The following CYRIB variants were observed in gnomAD, a reference collection of about 807,000 sequenced individuals.
CYRIB encodes the protein CYFIP-related Rac1 interactor B.
In CYRIB, 8 loss-of-function variants were observed where a neutral mutation model predicts 44.2. The observed-to-expected ratio is 0.18, with a 90% confidence interval of 0.11 to 0.33. The LOEUF is 0.33. CYRIB is among the 10% of genes least tolerant of loss of function. The pLI is 1.00. For synonymous variants in CYRIB, 131 were observed against 127.2 expected (o/e 1.03, Z -0.20); for missense variants, 185 against 382.8 (o/e 0.48, Z 4.31).
intron 1 of CYRIB, among the ~76,000 whole-genome samples, chr8:130,003,208 A>C (rs1049575477): frequency 6.6e-6 from 1 of 152,186 alleles, no homozygotes; most frequent in African/African-American, 2.4e-5. Flanking sequence ...ACAGAGTGAG[A>C]CCCTGTCTTA....
intron 2 of CYRIB, among the ~76,000 whole-genome samples, chr8:129,955,449 C>T (rs990188591): frequency 3.9e-5 from 6 of 152,066 alleles, no homozygotes; most frequent in African/African-American, 1.2e-4. Flanking sequence ...CCACAACACT[C>T]CCACGTTTCC....
chr8:129,987,422 T>C (rs896872879), intron 1 of CYRIB, among the ~76,000 whole-genome samples: 4 of 152,116 alleles, frequency 2.6e-5, no homozygotes, highest in Non-Finnish European at 4.4e-5. Flanking sequence ...CTGTGGCTTG[T>C]TGATGGCACC....
chr8:129,925,724 A>C (rs775033382), intron 1 of CYRIB, among the ~76,000 whole-genome samples: 2 of 152,210 alleles, frequency 1.3e-5, no homozygotes, highest in Non-Finnish European at 2.9e-5. Context: ...TCACCCCTGA[A>C]AATTTCCAGG....
chr8:129,843,773 A>C (rs536521040), intron 11 of CYRIB: 1 of 152,364 alleles, frequency 6.6e-6, no homozygotes, highest in South Asian at 2.1e-4. Flanking sequence ...AATTCCTATT[A>C]GGTTCATTTC....
intron 1 of CYRIB, among the ~76,000 whole-genome samples, chr8:129,997,090 G>A: frequency 6.9e-6 from 1 of 144,018 alleles, no homozygotes; most frequent in Non-Finnish European, 1.5e-5. Flanking sequence ...GGGAGGGAAG[G>A]AGGGAGGGAA....
intron 1 of CYRIB, among the ~76,000 whole-genome samples, chr8:129,982,621 T>C (rs895370069): frequency 6.6e-6 from 1 of 152,170 alleles, no homozygotes; most frequent in Non-Finnish European, 1.5e-5. Context: ...CAAACTTACT[T>C]TGCAACAATG....
intron 3 of CYRIB, among the ~76,000 whole-genome samples, chr8:129,876,209 T>C (rs1485465131): frequency 1.3e-5 from 2 of 152,084 alleles, no homozygotes; most frequent in African/African-American, 2.4e-5. Context: ...AAATAAATAA[T>C]TTAAGTAAAA....
chr8:129,858,913 G>A (rs1311342832), intron 5 of CYRIB, among the ~76,000 whole-genome samples: 1 of 152,224 alleles, frequency 6.6e-6, no homozygotes, highest in Non-Finnish European at 1.5e-5. Context: ...CAAGTTTACT[G>A]TAGGGTCCAG....
At chr8:129,966,453 AAAG>A (rs1408055363) in intron 2 of CYRIB, among the ~76,000 whole-genome samples, 3 of 152,214 alleles carry the variant, frequency 2.0e-5, no homozygotes, top group Admixed American at 1.3e-4. Context: ...TTTAAATACA[AAAG>A]AAGAAAGGCA....
chr8:129,885,062 C>T (rs958035473), intron 2 of CYRIB, among the ~76,000 whole-genome samples: 1 of 152,200 alleles, frequency 6.6e-6, no homozygotes, highest in South Asian at 2.1e-4. Flanking sequence ...CAACTATACC[C>T]TACAATTACT....
chr8:130,012,118 C>G (rs2134519187), intron 1 of CYRIB, among the ~76,000 whole-genome samples: 1 of 151,902 alleles, frequency 6.6e-6, no homozygotes, highest in African/African-American at 2.4e-5. Flanking sequence ...TTAAGCAAAC[C>G]TCCTCATCAA....
intron 1 of CYRIB, among the ~76,000 whole-genome samples, chr8:130,015,112 G>A (rs1002314147): frequency 6.6e-6 from 1 of 152,212 alleles, no homozygotes; most frequent in Non-Finnish European, 1.5e-5. Context: ...CTTCCTCAGA[G>A]AGGGGAGGAG....
chr8:129,842,250 A>C (rs2036719209), intron 11 of CYRIB, 45 bp from the exon 14 acceptor site: 1 of 1,359,448 alleles, frequency 7.4e-7, no homozygotes, highest in Non-Finnish European at 1.0e-6. Context: ...AACTTAAAAA[A>C]TAATCAGCAT....
At position 129,873,187 on chromosome 8, in the gene CYRIB, A is replaced by G. The variant is rs1055616009; in HGVS notation, c.74-1691T>C. Reference sequence around the variant, plus strand: ...TCCCTTATTTTTCAAATTTCTTTTCAGAAATCATTTTTTAGGAGGAAAATA... The same window carrying G: ...TCCCTTATTTTTCAAATTTCTTTTCGGAAATCATTTTTTAGGAGGAAAATA... On this transcript the variant is annotated intron_variant, in intron 3 of 11. Transcript: ENST00000519824. 9.9e-5 allele frequency among the ~76,000 whole-genome samples: 15 copies of G among 152,110 alleles called. No individual in the cohort carries two copies. In the South Asian group the frequency reaches 3.1e-3, roughly 31 times the overall value.
chr8:129,982,459 A>G lies in CYRIB; in HGVS notation c.-295-11464T>C, dbSNP rs150590343. 7.4e-3 allele frequency among the ~76,000 whole-genome samples: 1,125 copies of G among 152,320 alleles called. 20 individuals are homozygous for G. Among genetic ancestry groups the G allele is most frequent in the African/African-American group, 0.026 (1,063 of 41,564 alleles). On this transcript the variant is annotated intron_variant, in intron 1 of 14. Coordinates refer to the CYRIB transcript ENST00000401979. ...GCGGCTAGTGGCTACTCTGTTGGACAATTCGATTCTGGTTTTCCATTTATG... is the reference window on the plus strand; with the variant it reads ...GCGGCTAGTGGCTACTCTGTTGGACGATTCGATTCTGGTTTTCCATTTATG...
chr8:129,997,919 G>C (rs181661901), intron 1 of CYRIB, among the ~76,000 whole-genome samples: 4 of 152,002 alleles, frequency 2.6e-5, no homozygotes, highest in African/African-American at 4.8e-5. Flanking sequence ...TCAAGAGATC[G>C]AGACCATCCT....
upstream of CYRIB, among the ~76,000 whole-genome samples, chr8:129,943,944 C>T (rs1043342095): frequency 6.9e-6 from 1 of 145,854 alleles, no homozygotes; most frequent in Non-Finnish European, 1.5e-5. Flanking sequence ...AATGAGACCT[C>T]TTAGCTTGGT....
chr8:129,856,710 C>T (rs1273589543), intron 5 of CYRIB, among the ~76,000 whole-genome samples: 1 of 152,214 alleles, frequency 6.6e-6, no homozygotes, highest in East Asian at 1.9e-4. Flanking sequence ...TCAACATCTA[C>T]TGTACACTGA....
intron 1 of CYRIB, among the ~76,000 whole-genome samples, chr8:129,930,188 G>A (rs992555692): frequency 1.3e-5 from 2 of 151,380 alleles, no homozygotes; most frequent in African/African-American, 4.9e-5. Context: ...TCCAGCCTGA[G>A]TGACAGAGCG....
Sources: allele counts gnomAD v4.1 joint callset (sites outside exome capture counted in the v4.1 genomes callset), GRCh38; gene constraint gnomAD v4.1.1; transcripts MANE v1.5; gene names NCBI Gene and HGNC (gene_info 2026-07-23, HGNC 2026-07-21).